The following NAMPT variants were observed in gnomAD, a reference collection of about 807,000 sequenced individuals.
NAMPT encodes the protein nicotinamide phosphoribosyltransferase, also known as NAmPRTase.
Under a neutral mutation model 58.7 loss-of-function variants are expected in NAMPT, and 7 were observed. That is an observed-to-expected ratio of 0.12 (90% CI 0.07 to 0.22). The LOEUF (loss-of-function observed/expected upper bound fraction) is 0.22, where lower values mean the gene tolerates loss of function less well. NAMPT is among the 10% of genes least tolerant of loss of function. NAMPT has a pLI of 1.00. For synonymous variants in NAMPT, 145 were observed against 198.1 expected (o/e 0.73, Z 2.25); for missense variants, 271 against 567.9 (o/e 0.48, Z 5.31).
intron 8 of NAMPT, among the ~76,000 whole-genome samples, chr7:106,260,055 G>A (rs993869270): frequency 6.6e-6 from 1 of 152,104 alleles, no homozygotes; most frequent in African/African-American, 2.4e-5. Context: ...TGATAAATGA[G>A]CACTAGCTTC....
intron 9 of NAMPT, 48 bp from the exon 10 acceptor site, chr7:106,253,199 G>A: frequency 6.3e-7 from 1 of 1,591,932 alleles, no homozygotes; most frequent in South Asian, 1.1e-5. Context: ...CTAATCATCA[G>A]AAATGTCTAA....
intron 4 of NAMPT, among the ~76,000 whole-genome samples, chr7:106,270,990 T>C (rs1000958655): frequency 6.6e-6 from 1 of 152,234 alleles, no homozygotes; most frequent in Non-Finnish European, 1.5e-5. Flanking sequence ...CTGAAATTAC[T>C]CTTTCAATTC....
At chr7:106,285,320 A>C, upstream of NAMPT, 2 of 501,354 alleles carry the variant, frequency 4.0e-6, no homozygotes, top group Non-Finnish European at 5.2e-6. Context: ...GCGCTTACCT[A>C]AGTTCGAGTT....
At chr7:106,260,909 A>G (rs1304912676) in intron 8 of NAMPT, among the ~76,000 whole-genome samples, 1 of 152,212 alleles carries the variant, frequency 6.6e-6, no homozygotes, top group Admixed American at 6.5e-5. Flanking sequence ...GTAACATCGA[A>G]GATCACTAAT....
At chr7:106,273,047 T>C (rs991608229) in intron 3 of NAMPT, among the ~76,000 whole-genome samples, 7 of 152,168 alleles carry the variant, frequency 4.6e-5, no homozygotes, top group African/African-American at 1.7e-4. Context: ...TATTCTAAAT[T>C]CGTTATTTTC....
At chr7:106,252,316 T>C (rs1226302888) in intron 10 of NAMPT, among the ~76,000 whole-genome samples, 1 of 152,130 alleles carries the variant, frequency 6.6e-6, no homozygotes, top group Non-Finnish European at 1.5e-5. Flanking sequence ...AAAAGTTTGA[T>C]TTACAAACAT....
intron 8 of NAMPT, among the ~76,000 whole-genome samples, chr7:106,257,813 A>T (rs772448012): frequency 6.6e-6 from 1 of 152,250 alleles, no homozygotes; most frequent in East Asian, 1.9e-4. Flanking sequence ...AAGGAAAGGT[A>T]GGCACAGCAA....
At chr7:106,260,161 C>T (rs1024339931) in intron 8 of NAMPT, among the ~76,000 whole-genome samples, 3 of 152,222 alleles carry the variant, frequency 2.0e-5, no homozygotes, top group African/African-American at 7.2e-5. Context: ...AAGTCCTAGA[C>T]GGCACCTTCT....
intron 3 of NAMPT, among the ~76,000 whole-genome samples, chr7:106,273,155 A>AAGAACC (rs1189065263): frequency 1.3e-5 from 2 of 152,246 alleles, no homozygotes; most frequent in Non-Finnish European, 2.9e-5. Flanking sequence ...ATCCCTGCAG[A>AAGAACC]AGAACCGAAA....
rs1402760253 is a variant in NAMPT, at chr7:106,249,334, C to A, written c.*1749G>T. 1 of 152,498 alleles carries A rather than the reference C, an allele frequency of 6.6e-6. No individual in the cohort carries two copies. The highest frequency in any genetic ancestry group is 2.4e-5 in the African/African-American group (1 of 41,420). The allele number at this position is 152,498 out of a possible 1,614,324, so 9.4% of individuals were successfully genotyped here. On this transcript the variant is annotated 3_prime_UTR_variant, in exon 11 of 11. Coordinates refer to ENST00000222553, the MANE Select transcript of NAMPT (RefSeq NM_005746.3). ...AAAACATTTAATGAAGATAACACTT[C>A]TAATTAGGTTATTCTAGTGATCATT...
intron 9 of NAMPT, chr7:106,253,364 C>T (rs1404112980): frequency 2.0e-6 from 1 of 496,310 alleles, no homozygotes; most frequent in East Asian, 3.6e-5. Context: ...AGTATGACAT[C>T]TTGGATATCC....
intron 8 of NAMPT, 57 bp downstream of exon 8, chr7:106,261,531 T>C (rs193103804): frequency 6.9e-5 from 93 of 1,341,216 alleles, no homozygotes; most frequent in Admixed American, 2.3e-4. Context: ...TTATCAAACA[T>C]AAACAAACTT....
Position 106,257,414 on chromosome 7 carries a change from G to C in NAMPT, c.1090-2910C>G, listed in dbSNP as rs544743396. Among the ~76,000 whole-genome samples, 156 of 148,538 alleles carry C rather than the reference G, an allele frequency of 1.1e-3. 4 individuals are homozygous for C. The South Asian group carries it at 0.032, about 30-fold the overall frequency. On this transcript the variant is annotated intron_variant, in intron 8 of 10. Transcript: ENST00000222553. The stretch of plus-strand genomic sequence containing the variant: ...AAGGAGTTCGAGGCCAAACAGTTGA[G>C]ACTGTTTCCCAGACTGGGAAACAGT...
intron 8 of NAMPT, among the ~76,000 whole-genome samples, chr7:106,259,435 T>G (rs111337068): frequency 0.042 from 6,456 of 152,280 alleles, 162 homozygotes; most frequent in Middle Eastern, 0.12. Context: ...AATATATTTC[T>G]TCTTTTTTTT....
intron 4 of NAMPT, chr7:106,272,140 G>A (rs1056028056): frequency 2.7e-6 from 1 of 366,486 alleles, no homozygotes; most frequent in Non-Finnish European, 5.4e-6. Flanking sequence ...GTAGTTACTA[G>A]AAGTTGGAAT....
chr7:106,257,084 C>T (rs1336890855), intron 8 of NAMPT, among the ~76,000 whole-genome samples: 3 of 151,076 alleles, frequency 2.0e-5, no homozygotes, highest in Non-Finnish European at 4.4e-5. Context: ...GCAGAGGTTG[C>T]AGTGAGCTGA....
At chr7:106,268,657 AC>A in intron 5 of NAMPT, 57 bp from the exon 6 acceptor site, 1 of 1,260,914 alleles carries the variant, frequency 7.9e-7, no homozygotes, top group Non-Finnish European at 1.2e-6. Context: ...CATTAATAAT[AC>A]CAGGATGCAG....
At chr7:106,267,209 C>T (rs1259566397) in intron 6 of NAMPT, among the ~76,000 whole-genome samples, 1 of 152,182 alleles carries the variant, frequency 6.6e-6, no homozygotes, top group East Asian at 1.9e-4. Context: ...CCTCTCCTTC[C>T]CTTGCAACAC....
chr7:106,262,378 A>G (rs1000138635), intron 7 of NAMPT, among the ~76,000 whole-genome samples: 4 of 149,350 alleles, frequency 2.7e-5, no homozygotes, highest in African/African-American at 9.7e-5. Flanking sequence ...TTTTTCCTAA[A>G]TAAACTGATT....
Sources: allele counts gnomAD v4.1 joint callset (sites outside exome capture counted in the v4.1 genomes callset), GRCh38; gene constraint gnomAD v4.1.1; transcripts MANE v1.5; gene names NCBI Gene and HGNC (gene_info 2026-07-23, HGNC 2026-07-21).